Variants in GPCPD1 observed in about 807,000 individuals in gnomAD.
The protein encoded by GPCPD1 is glycerophosphocholine phosphodiesterase 1, also known as glycerophosphocholine phosphodiesterase GPCPD1.
Under a neutral mutation model 89.2 loss-of-function variants are expected in GPCPD1, and 29 were observed. The observed-to-expected ratio is 0.33, with a 90% CI of 0.24 to 0.44. The LOEUF is 0.44. GPCPD1 is among the 20% of genes least tolerant of loss of function. The pLI, the probability that GPCPD1 is intolerant of heterozygous loss-of-function variation, is 1.00. For missense variants in GPCPD1, 594 were observed against 808.9 expected (o/e 0.73, Z 3.22); for synonymous variants, 258 against 266.3 (o/e 0.97, Z 0.30).
chr20:5,559,981 C>T lies in GPCPD1; in HGVS notation c.1491G>A (p.Arg497=). ...LKTVLENSGK[R]RIVFSSFDAD... ...CATCAAATGAAGAAAACACTATTCTCCTCTTCCCAGAATTTTCTAAAACAG... is the reference window on the plus strand; with the variant it reads ...CATCAAATGAAGAAAACACTATTCTTCTCTTCCCAGAATTTTCTAAAACAG... Residue 497 remains arginine, a synonymous_variant, in exon 17 of 20, where the codon AGG becomes AGA. Transcript: ENST00000379019. 1 of 1,562,750 alleles carries T rather than the reference C, an allele frequency of 6.4e-7. No homozygotes were observed.
chr20:5,590,877 CAT>C (rs1445803830), intron 4 of GPCPD1, among the ~76,000 whole-genome samples: 2 of 151,916 alleles, frequency 1.3e-5, no homozygotes, highest in Admixed American at 6.6e-5. Flanking sequence ...AAGTTAGAAA[CAT>C]AGATATGTGC....
At position 5,556,684 on chromosome 20, in the gene GPCPD1, T is replaced by C. The variant is rs185995493; in HGVS notation, c.1829+1261A>G. ...ATATCTTTATACTAAAGAAACCTTTTTGACTCTCAGATTAGTGGCTGCCAA... is the reference window on the plus strand; with the variant it reads ...ATATCTTTATACTAAAGAAACCTTTCTGACTCTCAGATTAGTGGCTGCCAA... On this transcript the variant is annotated intron_variant, in intron 19 of 19. Transcript: ENST00000379019. Among the ~76,000 whole-genome samples, 996 of 152,320 alleles carry C rather than the reference T, an allele frequency of 6.5e-3. 6 individuals carry two copies. Among genetic ancestry groups the C allele is most frequent in the African/African-American group, 0.022 (934 of 41,566 alleles).
intron 6 of GPCPD1, among the ~76,000 whole-genome samples, chr20:5,583,498 A>C (rs1031389567): frequency 4.6e-5 from 7 of 152,198 alleles, no homozygotes; most frequent in African/African-American, 1.7e-4. Flanking sequence ...CAGTGAGCCG[A>C]GACTGCACCA....
At chr20:5,590,474 C>G (rs1223899289) in intron 4 of GPCPD1, among the ~76,000 whole-genome samples, 1 of 145,964 alleles carries the variant, frequency 6.9e-6, no homozygotes, top group African/African-American at 2.6e-5. Flanking sequence ...ACCCAGGAGG[C>G]GGAGGTTGCA....
At position 5,562,986 on chromosome 20, in the gene GPCPD1, CT is replaced by C. The variant is rs199811350; in HGVS notation, c.1330-1457del. On this transcript the variant is annotated intron_variant, in intron 15 of 19. Coordinates refer to ENST00000379019, the MANE Select transcript of GPCPD1 (RefSeq NM_019593.5). ...TGGTATTATTTTGGCGTTAAAATTT[CT>C]TTTTTTTTTTTTTGAGACGGAGTCT... Among the ~76,000 whole-genome samples, 759 of 142,486 alleles carry C rather than the reference CT, an allele frequency of 5.3e-3. 2 individuals carry two copies. The highest frequency in any genetic ancestry group is 0.014 in the African/African-American group (529 of 38,988). The allele number at this position is 142,486 out of a possible 152,430, so 93.5% of individuals were successfully genotyped here.
intron 4 of GPCPD1, among the ~76,000 whole-genome samples, chr20:5,591,564 T>G (rs1979328709): frequency 6.6e-6 from 1 of 152,248 alleles, no homozygotes; most frequent in Admixed American, 6.5e-5. Flanking sequence ...CTTTCATTAT[T>G]TGTTTTCCTA....
At position 5,600,095 on chromosome 20, in the gene GPCPD1, A is replaced by ACTC. The variant is rs1315311785; in HGVS notation, c.50-1277_50-1275dup. ...CAACTGCCAATTTGGCTCAAGACAG[A>ACTC]CTCCTCCACATTCTGAGAACAGCTG... is the stretch of plus-strand genomic sequence containing the variant. On this transcript the variant is annotated intron_variant, in intron 2 of 19. Coordinates refer to ENST00000379019, the MANE Select transcript of GPCPD1 (RefSeq NM_019593.5). 2.0e-5 allele frequency among the ~76,000 whole-genome samples: 3 copies of ACTC among 152,230 alleles called. No homozygotes were observed. In the East Asian group the frequency reaches 5.8e-4, roughly 29 times the overall value.
intron 14 of GPCPD1, among the ~76,000 whole-genome samples, chr20:5,566,376 A>G (rs1600731358): frequency 6.6e-6 from 1 of 152,226 alleles, no homozygotes; most frequent in African/African-American, 2.4e-5. Flanking sequence ...GGCAGGACAA[A>G]GCTTGCCCAC....
chr20:5,565,063 T>G lies in GPCPD1; in HGVS notation c.1283A>C (p.Glu428Ala). The G allele has an allele frequency of 6.5e-7, 1 of 1,532,818 alleles. No individual in the cohort carries two copies. The highest frequency in any genetic ancestry group is 9.0e-7 in the Non-Finnish European group (1 of 1,106,180). 95.0% of individuals were successfully genotyped at this position (1,532,818 alleles called of 1,614,324 possible). A position where few individuals can be genotyped will look rare whatever the true frequency, so the allele number is the denominator to read the frequency against. ...CTGATTTTCTGAAAAGGAATTTTCC[T>G]CCTGAACCACAGATTCTGAAATTTT... is the stretch of plus-strand genomic sequence containing the variant. ...SKDRKESVVQ[E>A]ENSFSENQPF... The change falls in exon 15 of 20, where the codon GAG (glutamate) becomes GCG (alanine). Residue 428 changes from glutamate (E) to alanine (A), a missense_variant. Glu to Ala is a moderately radical substitution (Grantham distance 107). Coordinates refer to ENST00000379019, the MANE Select transcript of GPCPD1 (RefSeq NM_019593.5).
intron 3 of GPCPD1, among the ~76,000 whole-genome samples, 155 bp downstream of exon 3, chr20:5,598,570 A>C (rs557533596): frequency 3.3e-5 from 5 of 152,304 alleles, no homozygotes; most frequent in African/African-American, 1.2e-4. Flanking sequence ...TTCCCACACA[A>C]ATTTTGTAAA....
At chr20:5,553,718 C>T (rs1985569696) in intron 19 of GPCPD1, among the ~76,000 whole-genome samples, 1 of 152,162 alleles carries the variant, frequency 6.6e-6, no homozygotes, top group Non-Finnish European at 1.5e-5. Context: ...AAAACATTTC[C>T]TTAAGCCAAA....
rs769310101 is a variant in GPCPD1 at position 5,557,983 on chromosome 20, T to C, written c.1791A>G (p.Lys597=). Residue 597 remains lysine (K), a synonymous_variant, in exon 19 of 20, where the codon AAA becomes AAG. Coordinates refer to ENST00000379019, the MANE Select transcript of GPCPD1 (RefSeq NM_019593.5). Reference sequence around the variant, plus strand: ...GACCATTAACTCCAAGTTCCTTCAATTTCCTTCTGTTTTCAGGATCATTGG... The same window carrying C: ...GACCATTAACTCCAAGTTCCTTCAACTTCCTTCTGTTTTCAGGATCATTGG... ...DDTNDPENRR[K]LKELGVNGLI... is the part of the protein sequence containing the mutation. 5.0e-6 allele frequency: 8 copies of C among 1,601,670 alleles called. No individual in the cohort carries two copies. The African/African-American group carries it at 5.4e-5, about 11-fold the overall frequency.
At chr20:5,570,441 A>AAC (rs1193278103) in intron 11 of GPCPD1, among the ~76,000 whole-genome samples, 3 of 151,636 alleles carry the variant, frequency 2.0e-5, no homozygotes, top group African/African-American at 7.3e-5. Context: ...AAAAAAAAAA[A>AAC]AAAAAACGGA....
chr20:5,592,114 G>C (rs767655028), intron 4 of GPCPD1, among the ~76,000 whole-genome samples: 18 of 152,212 alleles, frequency 1.2e-4, no homozygotes, highest in Non-Finnish European at 2.1e-4. Flanking sequence ...TATGCCCAAA[G>C]AACTCATTAT....
rs184037877 is a variant in GPCPD1, at chr20:5,569,684, T to C, written c.1149+463A>G. 3.7e-3 allele frequency among the ~76,000 whole-genome samples: 560 copies of C among 152,278 alleles called. 2 individuals are homozygous for C. Among genetic ancestry groups the C allele is most frequent in the Non-Finnish European group, 6.0e-3 (408 of 68,016 alleles). Reference sequence around the variant, plus strand: ...CCCTTTTCAGCTAAAAAGTATTTCCTACCCCCCTAGTTCTTGAGTCTAAAC... The same window carrying C: ...CCCTTTTCAGCTAAAAAGTATTTCCCACCCCCCTAGTTCTTGAGTCTAAAC... On this transcript the variant is annotated intron_variant, in intron 12 of 19. Transcript: ENST00000379019.
chr20:5,550,769 T>C (rs972084199), intron 19 of GPCPD1, among the ~76,000 whole-genome samples: 2 of 152,216 alleles, frequency 1.3e-5, no homozygotes, highest in Non-Finnish European at 2.9e-5. Flanking sequence ...TGTGTCCACC[T>C]TTCTTAAGAA....
chr20:5,558,030 T>C lies in GPCPD1; in HGVS notation c.1744A>G (p.Ile582Val), dbSNP rs986447542. The part of the protein sequence containing the change: ...IQEAKAKGLV[I>V]FCWGDDTNDP... ...TTGGTATCATCACCCCAGCAGAATA[T>C]GACTAGTCCCTTAGCTTTTGCCTCT... The change falls in exon 19 of 20, where the codon ATA becomes GTA. Residue 582 changes from isoleucine (I) to valine (V), a missense_variant. Physicochemically the swap from Ile to Val is conservative, Grantham distance 29. Coordinates refer to ENST00000379019, the MANE Select transcript of GPCPD1 (RefSeq NM_019593.5). 6.3e-7 allele frequency: 1 copy of C among 1,598,442 alleles called. No individual in the cohort carries two copies. Among genetic ancestry groups the C allele is most frequent in the Non-Finnish European group, 8.6e-7 (1 of 1,165,988 alleles).
Position 5,606,123 on chromosome 20 carries a change from G to T in GPCPD1, c.-28-1683C>A, listed in dbSNP as rs1980565265. ...TCTTCCCTGTCAGTCAAAGGAATCT[G>T]TTTCCCATCCACTAACTTAAGTACC... is the stretch of plus-strand genomic sequence containing the variant. On this transcript the variant is annotated intron_variant, in intron 1 of 19. Transcript: ENST00000379019. Among the ~76,000 whole-genome samples, 6 of 152,196 alleles carry T rather than the reference G, an allele frequency of 3.9e-5. No individual in the cohort carries two copies. In the South Asian group the frequency reaches 1.2e-3, roughly 32 times the overall value.
intron 12 of GPCPD1, among the ~76,000 whole-genome samples, chr20:5,568,257 A>ATATATATATACTTAGTATATG (rs1986514615): frequency 6.7e-6 from 1 of 148,922 alleles, no homozygotes; most frequent in South Asian, 2.1e-4. Flanking sequence ...CTTAGTATAT[A>ATATATATATACTTAGTATATG]TATATACTAA....
Sources: gnomAD v4.1 joint callset for allele counts (sites outside exome capture counted in the v4.1 genomes callset) on GRCh38, gnomAD v4.1.1 for gene constraint, MANE v1.5 for transcripts, NCBI Gene and HGNC (gene_info 2026-07-23, HGNC 2026-07-21) for gene names.